The following SUCO variants were observed in gnomAD, a reference collection of about 807,000 sequenced individuals.
The protein encoded by SUCO is SUN domain-containing ossification factor.
A neutral mutation model predicts 148.1 loss-of-function variants in SUCO; 57 were observed. The observed-to-expected ratio is 0.38, with a 90% CI of 0.31 to 0.48. The LOEUF is 0.48. Among genes scored for constraint, SUCO ranks in the 20% least tolerant of loss-of-function variants. The probability of loss-of-function intolerance (pLI) is 0.96; values close to 1 mark genes in which losing one functional copy is unlikely to be tolerated. For missense variants in SUCO, 1,331 were observed against 1,468.2 expected (o/e 0.91, Z 1.53); for synonymous variants, 470 against 502.7 (o/e 0.93, Z 0.87).
At position 172,610,027 on chromosome 1, in the gene SUCO, T is replaced by C; in HGVS notation, c.3533T>C (p.Phe1178Ser). ...ETSSQSEESYFCGISACTSLC... is the reference protein window; with the variant it reads ...ETSSQSEESYSCGISACTSLC... ...TCATCACAGTCAGAAGAGTCCTATTTTTGTGGCATTTCAGCTTGCACAAGT... is the reference window on the plus strand; with the variant it reads ...TCATCACAGTCAGAAGAGTCCTATTCTTGTGGCATTTCAGCTTGCACAAGT... The change falls in exon 24 of 24, where the codon TTT becomes TCT. Residue 1178 changes from phenylalanine to serine, a missense_variant. Around this residue, in one of 3 missense-constraint regions of SUCO, gnomAD observed 334 missense variants for 352.3 expected, o/e 0.95. Transcript: ENST00000263688. 1 of 1,613,990 alleles carries C rather than the reference T, an allele frequency of 6.2e-7. No homozygotes were observed. Among genetic ancestry groups the C allele is most frequent in the Non-Finnish European group, 8.5e-7 (1 of 1,179,902 alleles).
At chr1:172,578,869 T>C (rs571036594) in intron 14 of SUCO, among the ~76,000 whole-genome samples, 1 of 152,192 alleles carries the variant, frequency 6.6e-6, no homozygotes, top group Non-Finnish European at 1.5e-5. Flanking sequence ...TGTGTTAAAC[T>C]ATTGTTTGAA....
intron 6 of SUCO, among the ~76,000 whole-genome samples, chr1:172,558,015 T>C (rs963220892): frequency 5.3e-5 from 8 of 152,224 alleles, no homozygotes; most frequent in Non-Finnish European, 1.2e-4. Flanking sequence ...GAACTCTCTC[T>C]GGTTATATAT....
intron 1 of SUCO, among the ~76,000 whole-genome samples, chr1:172,550,010 G>C (rs1231250580): frequency 1.3e-5 from 2 of 151,820 alleles, no homozygotes; most frequent in Admixed American, 6.6e-5. Flanking sequence ...GTGTTATTTG[G>C]GTGCTTCTGA....
intron 19 of SUCO, 66 bp downstream of exon 19, chr1:172,591,137 G>A (rs544411256): frequency 1.7e-6 from 2 of 1,209,652 alleles, no homozygotes; most frequent in East Asian, 2.4e-5. Flanking sequence ...GGGTCTCACT[G>A]GTAAACAGTA....
chr1:172,542,862 G>C (rs1333430177), intron 1 of SUCO: 1 of 985,226 alleles, frequency 1.0e-6, no homozygotes, highest in Non-Finnish European at 1.2e-6. Flanking sequence ...TCATTTAAGT[G>C]GTCAACAATA....
intron 1 of SUCO, chr1:172,544,154 A>T (rs1652699516): frequency 1.0e-6 from 1 of 980,188 alleles, no homozygotes; most frequent in Non-Finnish European, 1.2e-6. Context: ...ATACTGCGCT[A>T]ATTGAGTGGC....
At chr1:172,592,416 C>CCTACTTAAATGGATTAA (rs1325243131) in intron 19 of SUCO, among the ~76,000 whole-genome samples, 1 of 152,140 alleles carries the variant, frequency 6.6e-6, no homozygotes, top group African/African-American at 2.4e-5. Flanking sequence ...TTAGGTCTAA[C>CCTACTTAAATGGATTAA]ATTTAAGTCT....
At chr1:172,577,625 T>C (rs1655548238) in intron 12 of SUCO, 66 bp downstream of exon 12, 1 of 1,588,910 alleles carries the variant, frequency 6.3e-7, no homozygotes, top group South Asian at 1.1e-5. Context: ...TTACAAAAAC[T>C]TTACAAGTAT....
At chr1:172,607,670 T>TA (rs148754433) in intron 22 of SUCO, among the ~76,000 whole-genome samples, 3,163 of 151,608 alleles carry the variant, frequency 0.021, 47 homozygotes, top group Non-Finnish European at 0.036. Context: ...TGATTTTTTT[T>TA]AAAAAAAACA....
In SUCO at chr1:172,602,686, A is replaced by T. The variant is rs750283572; in HGVS notation, c.3174-10A>T. On this transcript the variant is annotated splice_polypyrimidine_tract_variant and intron_variant, in intron 21 of 23. Coordinates refer to ENST00000263688, the MANE Select transcript of SUCO (RefSeq NM_014283.5). ...GTTGTAACCAATATGTATTTTTCCT[A>T]ATGTGTTAGGTGTTTCTCTTCCTAT... The T allele has an allele frequency of 1.9e-6, 3 of 1,607,468 alleles. No homozygotes were observed. The South Asian group carries it at 3.3e-5, about 18-fold the overall frequency.
rs1004750493 is a variant in SUCO, at chr1:172,610,985, T to C, written c.*726T>C. 1.3e-5 allele frequency: 2 copies of C among 152,582 alleles called. No homozygotes were observed. The highest frequency in any genetic ancestry group is 1.9e-4 in the East Asian group (1 of 5,196). The allele number at this position is 152,582 out of a possible 1,614,324, so 9.5% of individuals were successfully genotyped here. On this transcript the variant is annotated 3_prime_UTR_variant, in exon 24 of 24. Coordinates refer to ENST00000263688, the MANE Select transcript of SUCO (RefSeq NM_014283.5). ...GATCTTTTTTTGCAAACAACTGATATATGCAGACAAATTTTTGACAAATTC... is the reference window on the plus strand; with the variant it reads ...GATCTTTTTTTGCAAACAACTGATACATGCAGACAAATTTTTGACAAATTC...
intron 3 of SUCO, among the ~76,000 whole-genome samples, chr1:172,554,037 A>C (rs2149230188): frequency 6.6e-6 from 1 of 152,382 alleles, no homozygotes; most frequent in South Asian, 2.1e-4. Context: ...ATTTCAACTC[A>C]GAATGAGGGA....
At chr1:172,565,968 G>A (rs1269556393) in intron 6 of SUCO, among the ~76,000 whole-genome samples, 2 of 152,168 alleles carry the variant, frequency 1.3e-5, no homozygotes, top group Non-Finnish European at 2.9e-5. Flanking sequence ...AATGTGACTG[G>A]TCTTCCACAT....
intron 1 of SUCO, among the ~76,000 whole-genome samples, chr1:172,547,523 GA>G (rs1381595963): frequency 1.3e-5 from 2 of 152,128 alleles, no homozygotes; most frequent in East Asian, 3.8e-4. Flanking sequence ...TTCTGACTGA[GA>G]ATACCTAATC....
intron 11 of SUCO, among the ~76,000 whole-genome samples, chr1:172,576,654 G>A (rs1217540093): frequency 6.6e-6 from 1 of 151,512 alleles, no homozygotes; most frequent in African/African-American, 2.4e-5. Context: ...TGATAAAATC[G>A]TATTTAATTT....
Position 172,554,205 on chromosome 1 carries a change from A to G in SUCO, c.288+835A>G, listed in dbSNP as rs146091192. On this transcript the variant is annotated intron_variant, in intron 3 of 23. Transcript: ENST00000263688. ...TTCATTTTATTGGATTCTGGAAGAC[A>G]TTTGTCAAGGGTTTATGCATAGGAG... Among the ~76,000 whole-genome samples the G allele has an allele frequency of 1.1e-3, 162 of 152,334 alleles. 1 individual carries two copies. The highest frequency in any genetic ancestry group is 3.7e-3 in the African/African-American group (154 of 41,578).
intron 19 of SUCO, among the ~76,000 whole-genome samples, chr1:172,596,106 C>T (rs1360804145): frequency 2.0e-5 from 3 of 152,186 alleles, no homozygotes; most frequent in South Asian, 2.1e-4. Flanking sequence ...ACGTAGTTCT[C>T]GTGCCATGGT....
At chr1:172,586,281 CT>C (rs550975396) in intron 17 of SUCO, among the ~76,000 whole-genome samples, 158 of 151,958 alleles carry the variant, frequency 1.0e-3, no homozygotes, top group South Asian at 9.6e-3. Context: ...AAGGCCCCCC[CT>C]TTTTTTTATT....
intron 11 of SUCO, 57 bp from the exon 12 acceptor site, chr1:172,577,482 G>T: frequency 6.6e-7 from 1 of 1,519,468 alleles, no homozygotes; most frequent in East Asian, 2.3e-5. Flanking sequence ...GATGCTTATT[G>T]CATGATGTCT....
Sources: allele counts gnomAD v4.1 joint callset (sites outside exome capture counted in the v4.1 genomes callset), GRCh38; gene constraint gnomAD v4.1.1; regional missense constraint gnomAD v4.1.1; transcripts MANE v1.5; gene names NCBI Gene and HGNC (gene_info 2026-07-23, HGNC 2026-07-21).